The following HSD11B1 variants were observed in gnomAD, a reference collection of about 807,000 sequenced individuals.
HSD11B1 encodes hydroxysteroid 11-beta dehydrogenase 1, also known as 11-beta-hydroxysteroid dehydrogenase 1.
In HSD11B1, 15 loss-of-function variants were observed where a neutral mutation model predicts 22.1. That is an observed-to-expected ratio of 0.68 (90% CI 0.45 to 1.04). The LOEUF (loss-of-function observed/expected upper bound fraction) is 1.04, where lower values mean the gene tolerates loss of function less well. Ranked by LOEUF, HSD11B1 falls within the 50% of genes least tolerant of loss-of-function variation. The pLI is 0.00. For missense variants in HSD11B1, 281 were observed against 357.6 expected, an observed-to-expected ratio of 0.79 and a Z score of 1.73; for synonymous variants, 122 against 125.2, an observed-to-expected ratio of 0.97 and a Z score of 0.17.
chr1:209,729,230 A>G (rs1282254261), intron 4 of HSD11B1, among the ~76,000 whole-genome samples: 1 of 152,008 alleles, frequency 6.6e-6, no homozygotes, highest in East Asian at 1.9e-4. Flanking sequence ...TTGGTAGCTC[A>G]AACCTGTAAT....
At chr1:209,710,601 T>A (rs567150584) in intron 4 of HSD11B1, among the ~76,000 whole-genome samples, 1 of 152,358 alleles carries the variant, frequency 6.6e-6, no homozygotes, top group South Asian at 2.1e-4. Context: ...ATACTACTCA[T>A]AACTACTAAT....
chr1:209,710,325 C>T (rs1268501016), intron 4 of HSD11B1, among the ~76,000 whole-genome samples: 1 of 152,150 alleles, frequency 6.6e-6, no homozygotes, highest in East Asian at 1.9e-4. Flanking sequence ...CACATGGCAG[C>T]TAGAACTGAG....
rs568480044 is a variant in HSD11B1 at position 209,732,523 on chromosome 1, C to T, written c.605C>T (p.Ser202Leu). 2 of 1,613,702 alleles carry T rather than the reference C, an allele frequency of 1.2e-6. No homozygotes were observed. Among genetic ancestry groups the T allele is most frequent in the South Asian group, 1.1e-5 (1 of 91,080 alleles). Residue 202 changes from serine to leucine, a missense_variant, in exon 5 of 6, where the codon TCA (serine) becomes TTA (leucine). Physicochemically the swap from Ser to Leu is moderately radical, Grantham distance 145. Transcript: ENST00000367027. ...TTCTCCTCCATCAGAAAGGAATATT[C>T]AGTGTCCAGGGTCAATGTATCAATC... is the stretch of plus-strand genomic sequence containing the variant. ...GFFSSIRKEY[S>L]VSRVNVSITL...
intron 4 of HSD11B1, among the ~76,000 whole-genome samples, chr1:209,712,335 T>C (rs749477810): frequency 9.2e-5 from 14 of 151,894 alleles, no homozygotes; most frequent in Non-Finnish European, 1.5e-4. Flanking sequence ...TTCAACCAAA[T>C]GTGGATCAAA....
In HSD11B1 at chr1:209,721,469, C is replaced by A. The variant is rs893041963; in HGVS notation, c.518-10967C>A. The stretch of plus-strand genomic sequence containing the variant: ...TTTAAGTTTGAAATTATTTCAAAAG[C>A]AAAAAAAAAAAAAAAAAATCCCCAT... On this transcript the variant is annotated intron_variant, in intron 4 of 5. Coordinates refer to ENST00000367027, the MANE Select transcript of HSD11B1 (RefSeq NM_005525.4). Among the ~76,000 whole-genome samples the A allele has an allele frequency of 7.9e-3, 793 of 100,792 alleles. 1 individual carries two copies. Among genetic ancestry groups the A allele is most frequent in the African/African-American group, 9.0e-3 (272 of 30,298 alleles). 66.1% of individuals were successfully genotyped at this position (100,792 alleles called of 152,430 possible).
At chr1:209,716,648 C>A (rs2076932198) in intron 4 of HSD11B1, among the ~76,000 whole-genome samples, 1 of 151,836 alleles carries the variant, frequency 6.6e-6, no homozygotes, top group Admixed American at 6.6e-5. Context: ...TAATACATTA[C>A]CTGACTTGAA....
intron 1 of HSD11B1, among the ~76,000 whole-genome samples, chr1:209,687,608 A>G (rs1380025818): frequency 6.6e-6 from 1 of 152,228 alleles, no homozygotes; most frequent in Admixed American, 6.5e-5. Context: ...GCCTTGCCCA[A>G]AGTCACATGT....
chr1:209,712,449 G>C, intron 4 of HSD11B1, among the ~76,000 whole-genome samples: 1 of 152,152 alleles, frequency 6.6e-6, no homozygotes, highest in East Asian at 1.9e-4. Context: ...TAAGGCATAG[G>C]CACCAAATTA....
At chr1:209,699,602 A>T (rs1337633309) in intron 1 of HSD11B1, among the ~76,000 whole-genome samples, 1 of 151,896 alleles carries the variant, frequency 6.6e-6, no homozygotes, top group African/African-American at 2.4e-5. Context: ...ATATCATTCC[A>T]CCCCTGGCCC....
At chr1:209,723,379 A>T (rs556813252) in intron 4 of HSD11B1, among the ~76,000 whole-genome samples, 48 of 152,066 alleles carry the variant, frequency 3.2e-4, no homozygotes, top group Admixed American at 5.2e-4. Flanking sequence ...CACATTTTTT[A>T]AAAAAAACTG....
chr1:209,711,560 G>A (rs541907129), intron 4 of HSD11B1, among the ~76,000 whole-genome samples: 4 of 152,224 alleles, frequency 2.6e-5, no homozygotes, highest in East Asian at 1.9e-4. Flanking sequence ...GGGGAGTGGC[G>A]ATGGCTGCAC....
intron 1 of HSD11B1, among the ~76,000 whole-genome samples, chr1:209,691,989 T>A (rs1011252978): frequency 6.6e-6 from 1 of 152,174 alleles, no homozygotes; most frequent in Admixed American, 6.6e-5. Flanking sequence ...CAAGGATTGT[T>A]GTCACTAGTT....
chr1:209,717,916 T>C (rs2076940196), intron 4 of HSD11B1, among the ~76,000 whole-genome samples: 2 of 140,020 alleles, frequency 1.4e-5, no homozygotes, highest in South Asian at 4.6e-4. Flanking sequence ...ATCAAAGAGA[T>C]ATATGCAACT....
In HSD11B1 at chr1:209,732,554, C is replaced by T; in HGVS notation, c.636C>T (p.Leu212=). 1 of 1,613,888 alleles carries T rather than the reference C, an allele frequency of 6.2e-7. No individual in the cohort carries two copies. Among genetic ancestry groups the T allele is most frequent in the South Asian group, 1.1e-5 (1 of 91,072 alleles). The change falls in exon 5 of 6, where the codon CTC becomes CTT. Residue 212 remains leucine, a synonymous_variant. Transcript: ENST00000367027. ...CCAGGGTCAATGTATCAATCACTCT[C>T]TGTGTTCTTGGCCTCATAGACACAG... is the stretch of plus-strand genomic sequence containing the variant. The part of the protein sequence containing the change: ...SVSRVNVSIT[L]CVLGLIDTET...
intron 1 of HSD11B1, among the ~76,000 whole-genome samples, chr1:209,687,912 G>T (rs2076737814): frequency 1.3e-5 from 2 of 152,210 alleles, no homozygotes; most frequent in African/African-American, 4.8e-5. Context: ...TGTCATGAGA[G>T]AACTAGAATA....
In HSD11B1 at chr1:209,706,360, G is replaced by A. The variant is rs569799629; in HGVS notation, c.220-349G>A. Among the ~76,000 whole-genome samples, 182 of 152,204 alleles carry A rather than the reference G, an allele frequency of 1.2e-3. 1 individual carries two copies. The highest frequency in any genetic ancestry group is 4.3e-3 in the African/African-American group (177 of 41,522). ...CCTCTCATGGACTCACAAACCCAAG[G>A]ATGTACAAACATTCACAAACCTAGA... On this transcript the variant is annotated intron_variant, in intron 2 of 5. Transcript: ENST00000367027. The surrounding 1 kb of genome is among the most constrained non-coding windows in gnomAD (Gnocchi z 4.0).
At chr1:209,732,715 A>C in intron 5 of HSD11B1, 136 bp downstream of exon 5, 1 of 743,562 alleles carries the variant, frequency 1.3e-6, no homozygotes, top group African/African-American at 1.7e-5. Flanking sequence ...CGTCACTTAC[A>C]TTAGGTATAT....
intron 4 of HSD11B1, among the ~76,000 whole-genome samples, chr1:209,713,754 A>C (rs770775080): frequency 2.6e-5 from 4 of 152,246 alleles, no homozygotes; most frequent in East Asian, 1.9e-4. Context: ...AATAGCTGTT[A>C]TATTGTATTA....
chr1:209,698,470 C>T (rs2076806691), intron 1 of HSD11B1, among the ~76,000 whole-genome samples: 1 of 152,220 alleles, frequency 6.6e-6, no homozygotes, highest in South Asian at 2.1e-4. Flanking sequence ...GAAAGTTGGG[C>T]TGGCCAACCA....
Sources: gnomAD v4.1 joint callset for allele counts (sites outside exome capture counted in the v4.1 genomes callset) on GRCh38, gnomAD v4.1.1 for gene constraint, Gnocchi (gnomAD v3.1) non-coding constraint, MANE v1.5 for transcripts, NCBI Gene and HGNC (gene_info 2026-07-23, HGNC 2026-07-21) for gene names.